ARHGEF3: variants seen among roughly 807,000 people sequenced by gnomAD.
ARHGEF3 encodes Rho guanine nucleotide exchange factor 3.
In ARHGEF3, 28 loss-of-function variants were observed where a neutral mutation model predicts 63.2. That is an observed-to-expected ratio of 0.44 (90% CI 0.33 to 0.61). The LOEUF is 0.61. Among genes scored for constraint, ARHGEF3 ranks in the 20% least tolerant of loss-of-function variants. The pLI, the probability that ARHGEF3 is intolerant of heterozygous loss-of-function variation, is 0.03. For synonymous variants in ARHGEF3, 266 were observed against 254.2 expected (o/e 1.05, Z -0.44); for missense variants, 533 against 659.3 (o/e 0.81, Z 2.10).
chr3:56,968,637 A>C (rs1405257214), intron 2 of ARHGEF3, among the ~76,000 whole-genome samples: 1 of 151,466 alleles, frequency 6.6e-6, no homozygotes, highest in Admixed American at 6.6e-5. Context: ...CCTATTAGTC[A>C]CATTTTAAAA....
At chr3:56,957,685 T>C (rs1700102084) in intron 3 of ARHGEF3, among the ~76,000 whole-genome samples, 1 of 152,154 alleles carries the variant, frequency 6.6e-6, no homozygotes, top group African/African-American at 2.4e-5. Context: ...CATGAGGGCT[T>C]CTTCCAAGAG....
chr3:56,805,884 C>T (rs1349260985), upstream of ARHGEF3, among the ~76,000 whole-genome samples: 3 of 152,130 alleles, frequency 2.0e-5, no homozygotes, highest in Non-Finnish European at 4.4e-5. Flanking sequence ...TTCTTCCAAG[C>T]TTCTTATAGC....
intron 2 of ARHGEF3, among the ~76,000 whole-genome samples, chr3:56,969,949 CATATT>C (rs1234553821): frequency 6.6e-6 from 1 of 151,984 alleles, no homozygotes; most frequent in Non-Finnish European, 1.5e-5. Flanking sequence ...ACAAGGGATA[CATATT>C]ATATGATTCC....
chr3:56,962,004 T>G (rs1700301959), intron 2 of ARHGEF3, among the ~76,000 whole-genome samples: 1 of 152,198 alleles, frequency 6.6e-6, no homozygotes, highest in Non-Finnish European at 1.5e-5. Context: ...ATGATCATAT[T>G]ACTGCCCCCC....
intron 4 of ARHGEF3, among the ~76,000 whole-genome samples, chr3:56,825,014 T>C (rs1415669465): frequency 1.3e-5 from 2 of 152,230 alleles, no homozygotes; most frequent in Non-Finnish European, 2.9e-5. Context: ...TAGGAATCCA[T>C]ATACTGGAGT....
intron 3 of ARHGEF3, among the ~76,000 whole-genome samples, chr3:56,884,156 C>T (rs1354967054): frequency 1.3e-5 from 2 of 152,150 alleles, no homozygotes; most frequent in African/African-American, 4.8e-5. Context: ...TTTCTCAACT[C>T]TAAGGTGTGA....
intron 3 of ARHGEF3, among the ~76,000 whole-genome samples, chr3:56,887,361 G>C (rs1000886426): frequency 6.6e-6 from 1 of 152,144 alleles, no homozygotes; most frequent in Non-Finnish European, 1.5e-5. Context: ...CTCCTGCCTT[G>C]GGAGGCTACA....
intron 1 of ARHGEF3, among the ~76,000 whole-genome samples, chr3:57,052,366 G>C (rs1342379320): frequency 6.6e-6 from 1 of 152,052 alleles, no homozygotes; most frequent in Non-Finnish European, 1.5e-5. Flanking sequence ...GTGTGATCTT[G>C]GCTCACTGCA....
chr3:56,849,709 C>T (rs917986102), intron 4 of ARHGEF3, among the ~76,000 whole-genome samples: 1 of 151,928 alleles, frequency 6.6e-6, no homozygotes, highest in Admixed American at 6.6e-5. Context: ...AAAGAAAACA[C>T]AGTTTTCTAT....
chr3:57,040,479 GA>G (rs1704136582), intron 1 of ARHGEF3, among the ~76,000 whole-genome samples: 1 of 22,824 alleles, frequency 4.4e-5, no homozygotes, highest in African/African-American at 9.7e-5. Context: ...TCCGTCAAAA[GA>G]AAAGAAAAGA....
chr3:56,821,854 C>T (rs2038506581), intron 4 of ARHGEF3, among the ~76,000 whole-genome samples: 1 of 151,904 alleles, frequency 6.6e-6, no homozygotes, highest in Non-Finnish European at 1.5e-5. Flanking sequence ...GTACTAGGTA[C>T]TCGGGAGGCT....
At chr3:56,748,074 T>C (rs897271195) in intron 6 of ARHGEF3, among the ~76,000 whole-genome samples, 1 of 152,244 alleles carries the variant, frequency 6.6e-6, no homozygotes, top group Admixed American at 6.5e-5. Context: ...CTCCCTTTGT[T>C]GCTCAGGTGG....
In ARHGEF3 at chr3:57,058,186, C is replaced by A. The variant is rs1288905758; in HGVS notation, c.-28+21040G>T. On this transcript the variant is annotated intron_variant, in intron 1 of 12. Transcript: ENST00000338458. ...ATAAAATAAGCCATGTGGCCTTTTA[C>A]ACAGAAAAATAAGGAATGCCTGGAA... 4.4e-5 allele frequency among the ~76,000 whole-genome samples: 4 copies of A among 90,682 alleles called. No individual in the cohort carries two copies. In the East Asian group the frequency reaches 1.5e-3, roughly 34 times the overall value. The allele number at this position is 90,682 out of a possible 152,430, so 59.5% of individuals were successfully genotyped here. A position where few individuals can be genotyped will look rare whatever the true frequency, so the allele number is the denominator to read the frequency against.
At chr3:56,836,561 C>T (rs1242739020) in intron 4 of ARHGEF3, among the ~76,000 whole-genome samples, 1 of 152,040 alleles carries the variant, frequency 6.6e-6, no homozygotes, top group East Asian at 1.9e-4. Flanking sequence ...GGATTTTTTT[C>T]TCGTTTTGCC....
chr3:57,029,148 G>C (rs59262847), intron 2 of ARHGEF3, among the ~76,000 whole-genome samples: 3,307 of 152,148 alleles, frequency 0.022, 117 homozygotes, highest in African/African-American at 0.073. Context: ...ACATCTACTT[G>C]GGCCGGGCGT....
chr3:57,065,305 T>C (rs1386188424), intron 1 of ARHGEF3, among the ~76,000 whole-genome samples: 1 of 151,906 alleles, frequency 6.6e-6, no homozygotes, highest in East Asian at 1.9e-4. Flanking sequence ...CTACGAAAAA[T>C]ACAAAATTAG....
intron 1 of ARHGEF3, among the ~76,000 whole-genome samples, chr3:56,780,001 C>T (rs1443398048): frequency 6.6e-6 from 1 of 152,222 alleles, no homozygotes; most frequent in East Asian, 1.9e-4. Flanking sequence ...ATCTTCAGAA[C>T]ATCTTATGAG....
intron 2 of ARHGEF3, among the ~76,000 whole-genome samples, chr3:56,768,305 C>A (rs1187363787): frequency 6.6e-6 from 1 of 152,016 alleles, no homozygotes; most frequent in Non-Finnish European, 1.5e-5. Flanking sequence ...GTGATCCACC[C>A]GCTTCAGCCT....
chr3:56,738,426 C>T (rs2033790158), intron 7 of ARHGEF3, among the ~76,000 whole-genome samples: 1 of 152,128 alleles, frequency 6.6e-6, no homozygotes, highest in Non-Finnish European at 1.5e-5. Context: ...CCCACCTCTG[C>T]CTTCCAAAGT....
Sources: allele counts gnomAD v4.1 joint callset (sites outside exome capture counted in the v4.1 genomes callset), GRCh38; gene constraint gnomAD v4.1.1; transcripts MANE v1.5; gene names NCBI Gene and HGNC (gene_info 2026-07-23, HGNC 2026-07-21).